Variants in ATG13 observed in about 807,000 individuals in gnomAD.
ATG13 encodes the protein autophagy-related protein 13.
ATG13 carries 23 observed loss-of-function variants against 65.5 expected under a neutral mutation model. The ratio of observed to expected loss-of-function variants is 0.35; its 90% CI spans 0.25 to 0.50. The LOEUF is 0.50. Ranked by LOEUF, ATG13 falls within the 20% of genes least tolerant of loss-of-function variation. The probability of loss-of-function intolerance (pLI) is 0.98; values close to 1 mark genes in which losing one functional copy is unlikely to be tolerated. For synonymous variants in ATG13, 252 were observed against 245.2 expected (o/e 1.03, Z -0.26); for missense variants, 566 against 677.0 (o/e 0.84, Z 1.82).
At chr11:46,631,251 G>A in intron 2 of ATG13, among the ~76,000 whole-genome samples, 1 of 152,084 alleles carries the variant, frequency 6.6e-6, no homozygotes, top group Non-Finnish European at 1.5e-5. Context: ...GAGTGCAGTG[G>A]TGCAATCATA....
chr11:46,623,194 T>C (rs2048342837), intron 1 of ATG13, among the ~76,000 whole-genome samples: 1 of 151,734 alleles, frequency 6.6e-6, no homozygotes, highest in African/African-American at 2.4e-5. Context: ...TTCTGGAGGC[T>C]GAGGCAGGAG....
Position 46,672,119 on chromosome 11 carries a change from C to T in ATG13, c.1576-136C>T, listed in dbSNP as rs925745208. The T allele has an allele frequency of 2.9e-6, 4 of 1,400,288 alleles. No homozygotes were observed. The African/African-American group carries it at 4.3e-5, about 15-fold the overall frequency. 86.7% of individuals were successfully genotyped at this position (1,400,288 alleles called of 1,614,324 possible). On this transcript the variant is annotated intron_variant, in intron 18 of 18. Coordinates refer to ENST00000683050, the MANE Select transcript of ATG13 (RefSeq NM_001346311.2). ...CCTACCCTGTGCCTACGCAGCTGCC[C>T]TGCGTTCTCCCACTTGCTCGGCCCA...
At chr11:46,659,574 T>A (rs1321504063) in intron 11 of ATG13, 89 bp downstream of exon 11, 2 of 1,046,328 alleles carry the variant, frequency 1.9e-6, no homozygotes, top group East Asian at 4.8e-5. Context: ...CTACAATCCC[T>A]TTTAATAGTG....
chr11:46,641,051 C>G (rs181453907), intron 2 of ATG13, among the ~76,000 whole-genome samples: 1 of 152,302 alleles, frequency 6.6e-6, no homozygotes, highest in East Asian at 1.9e-4. Flanking sequence ...CAGGAAACAA[C>G]TCAAATGTTT....
chr11:46,648,939 T>C (rs2058324672), intron 5 of ATG13, 198 bp from the exon 6 acceptor site: 2 of 418,162 alleles, frequency 4.8e-6, no homozygotes, highest in Admixed American at 8.5e-5. Context: ...GACGTATTTA[T>C]TAAGAAAAAA....
At position 46,646,544 on chromosome 11, in the gene ATG13, G is replaced by C. The variant is rs184210680; in HGVS notation, c.270+555G>C. Among the ~76,000 whole-genome samples, 4 of 152,072 alleles carry C rather than the reference G, an allele frequency of 2.6e-5. No individual in the cohort carries two copies. The East Asian group carries it at 7.8e-4, about 29-fold the overall frequency. On this transcript the variant is annotated intron_variant, in intron 5 of 18. Transcript: ENST00000683050. ...AGTGGCACGATCTTGACTCACTCCAGCCTCCGCTTCCTGGATTCAAGCGAT... is the reference window on the plus strand; with the variant it reads ...AGTGGCACGATCTTGACTCACTCCACCCTCCGCTTCCTGGATTCAAGCGAT...
Position 46,667,817 on chromosome 11 carries a change from C to T in ATG13, c.1181C>T (p.Ser394Phe). The change falls in exon 15 of 19, where the codon TCC (serine) becomes TTC (phenylalanine). Residue 394 changes from serine to phenylalanine, a missense_variant. Around this residue, in one of 2 missense-constraint regions of ATG13, gnomAD observed 387 missense variants for 409.8 expected, o/e 0.94. Coordinates refer to ENST00000683050, the MANE Select transcript of ATG13 (RefSeq NM_001346311.2). ...TCAAACAGCAGTGAGGGACGGGCCTCCCCTCACGATGTCTTGGAGACCATC... is the reference window on the plus strand; with the variant it reads ...TCAAACAGCAGTGAGGGACGGGCCTTCCCTCACGATGTCTTGGAGACCATC... ...TVSNSSEGRA[S>F]PHDVLETIFV... The T allele has an allele frequency of 6.2e-7, 1 of 1,612,202 alleles. No individual in the cohort carries two copies.
chr11:46,656,675 G>T (rs1001319414), intron 8 of ATG13, among the ~76,000 whole-genome samples: 7 of 152,194 alleles, frequency 4.6e-5, no homozygotes, highest in Non-Finnish European at 1.0e-4. Context: ...AGCTTGGGTG[G>T]AAGGCAATTA....
chr11:46,665,612 C>G, intron 14 of ATG13, 93 bp downstream of exon 14: 6 of 1,483,550 alleles, frequency 4.0e-6, no homozygotes, highest in Non-Finnish European at 5.5e-6. Flanking sequence ...TAAAGAGTAA[C>G]TTTCAGCATT....
At chr11:46,635,340 T>C (rs2053587208) in intron 2 of ATG13, among the ~76,000 whole-genome samples, 8 of 152,260 alleles carry the variant, frequency 5.3e-5, no homozygotes, top group Admixed American at 5.2e-4. Context: ...GACATAATAA[T>C]TGTTGTACAT....
At chr11:46,639,682 G>A (rs1199641759) in intron 2 of ATG13, among the ~76,000 whole-genome samples, 4 of 152,030 alleles carry the variant, frequency 2.6e-5, no homozygotes, top group Non-Finnish European at 5.9e-5. Flanking sequence ...CAATTTAAGA[G>A]TTTGAGAGTG....
intron 11 of ATG13, chr11:46,659,949 C>T (rs1468547859): frequency 1.3e-5 from 2 of 154,664 alleles, no homozygotes; most frequent in African/African-American, 4.8e-5. Context: ...TGTGTGTATT[C>T]CTTATCCAGA....
In ATG13 at chr11:46,669,375, G is replaced by A. The variant is rs769843304; in HGVS notation, c.1447-29G>A. ...TTATCTCCTCTGTGGTTCAAGGCAA[G>A]CTAAACTGACTCTGTCTTGTTTTTG... On this transcript the variant is annotated intron_variant, in intron 17 of 18. Coordinates refer to ENST00000683050, the MANE Select transcript of ATG13 (RefSeq NM_001346311.2). The A allele has an allele frequency of 3.1e-6, 5 of 1,612,826 alleles. No individual in the cohort carries two copies. The African/African-American group carries it at 5.3e-5, about 17-fold the overall frequency.
intron 10 of ATG13, among the ~76,000 whole-genome samples, chr11:46,657,935 A>G (rs926628830): frequency 3.3e-5 from 5 of 152,120 alleles, no homozygotes; most frequent in Non-Finnish European, 1.5e-5. Context: ...TGGGCATGCC[A>G]GCACATGCCT....
At chr11:46,649,027 CTATT>C (rs542516191) in intron 5 of ATG13, 106 bp from the exon 6 acceptor site, 186 of 859,310 alleles carry the variant, frequency 2.2e-4, no homozygotes, top group Admixed American at 9.6e-4. Flanking sequence ...AAGTTGATAT[CTATT>C]CTTTTTTTTT....
rs533156371 is a variant in ATG13 at position 46,650,629 on chromosome 11, G to A, written c.458+312G>A. Among the ~76,000 whole-genome samples, 12 of 152,250 alleles carry A rather than the reference G, an allele frequency of 7.9e-5. No individual in the cohort carries two copies. The South Asian group carries it at 2.3e-3, about 29-fold the overall frequency. On this transcript the variant is annotated intron_variant, in intron 7 of 18. Transcript: ENST00000683050. ...TTTATTTATTTATTTATTTAGAGAC[G>A]GAGTCTCGCTCCATCGCCCAGGTTA...
At chr11:46,640,819 T>C (rs1440541308) in intron 2 of ATG13, among the ~76,000 whole-genome samples, 3 of 152,188 alleles carry the variant, frequency 2.0e-5, no homozygotes, top group African/African-American at 7.2e-5. Context: ...AAAGAATAAG[T>C]ATTACCAAGT....
intron 1 of ATG13, among the ~76,000 whole-genome samples, chr11:46,618,587 G>C (rs541621058): frequency 2.6e-5 from 4 of 152,298 alleles, no homozygotes; most frequent in African/African-American, 9.6e-5. Context: ...ATCTCCTAAG[G>C]TGATAGAATT....
At chr11:46,665,171 A>G (rs1363273802) in intron 13 of ATG13, among the ~76,000 whole-genome samples, 1 of 152,206 alleles carries the variant, frequency 6.6e-6, no homozygotes. Flanking sequence ...ATTTTTCTCC[A>G]TTTCCTTTTT....
Sources: allele counts gnomAD v4.1 joint callset (sites outside exome capture counted in the v4.1 genomes callset), GRCh38; gene constraint gnomAD v4.1.1; regional missense constraint gnomAD v4.1.1; transcripts MANE v1.5; gene names NCBI Gene and HGNC (gene_info 2026-07-23, HGNC 2026-07-21).